NUP153: variants seen among roughly 807,000 people sequenced by gnomAD.
NUP153 encodes nuclear pore complex protein Nup153.
In NUP153, 27 loss-of-function variants were observed where a neutral mutation model predicts 134.6. The ratio of observed to expected loss-of-function variants is 0.20; its 90% CI spans 0.15 to 0.28. NUP153 has a LOEUF of 0.28. Ranked by LOEUF, NUP153 falls within the 10% of genes least tolerant of loss-of-function variation. The pLI, the probability that NUP153 is intolerant of heterozygous loss-of-function variation, is 1.00. For synonymous variants in NUP153, 640 were observed against 623.5 expected (o/e 1.03, Z -0.40); for missense variants, 1,821 against 1,731.3 (o/e 1.05, Z -0.92).
intron 14 of NUP153, among the ~76,000 whole-genome samples, chr6:17,641,414 A>G (rs1225919956): frequency 1.3e-5 from 2 of 152,148 alleles, no homozygotes; most frequent in Non-Finnish European, 2.9e-5. Flanking sequence ...ACACACCTGT[A>G]GTCTCAGCTA....
intron 1 of NUP153, among the ~76,000 whole-genome samples, chr6:17,704,707 A>C (rs1175245609): frequency 6.6e-6 from 1 of 151,516 alleles, no homozygotes; most frequent in Non-Finnish European, 1.5e-5. Context: ...TCAAAATAAA[A>C]AACATTTAAG....
At chr6:17,665,183 A>G (rs1767449510) in intron 9 of NUP153, 56 bp downstream of exon 9, 18 of 1,304,948 alleles carry the variant, frequency 1.4e-5, no homozygotes, top group Non-Finnish European at 1.8e-5. Flanking sequence ...TACATTATTT[A>G]GTCTTACTTA....
intron 1 of NUP153, among the ~76,000 whole-genome samples, chr6:17,697,791 T>A (rs1052310485): frequency 1.3e-5 from 2 of 151,980 alleles, no homozygotes; most frequent in African/African-American, 4.8e-5. Flanking sequence ...TAACACTAAC[T>A]CAGAAACAGC....
chr6:17,617,041 A>G (rs1764371856), intron 20 of NUP153, among the ~76,000 whole-genome samples: 1 of 152,074 alleles, frequency 6.6e-6, no homozygotes, highest in African/African-American at 2.4e-5. Flanking sequence ...AAGCCACTGC[A>G]CCCGGCCGCA....
chr6:17,664,779 G>A (rs569981881), intron 9 of NUP153, among the ~76,000 whole-genome samples: 14 of 152,200 alleles, frequency 9.2e-5, no homozygotes, highest in South Asian at 2.1e-4. Flanking sequence ...GTGGCCAGGC[G>A]CGGTGGCTCA....
In NUP153 at chr6:17,624,618, C is replaced by T. The variant is rs200243787; in HGVS notation, c.4117G>A (p.Val1373Met). The T allele has an allele frequency of 3.1e-6, 5 of 1,614,154 alleles. No individual in the cohort carries two copies. The highest frequency in any genetic ancestry group is 4.2e-6 in the Non-Finnish European group (5 of 1,180,034). Residue 1373 changes from valine (V) to methionine (M), a missense_variant, in exon 20 of 22, where the codon GTG becomes ATG. Val to Met is a conservative substitution (Grantham distance 21, BLOSUM62 1). Coordinates refer to ENST00000262077, the MANE Select transcript of NUP153 (RefSeq NM_005124.4). ...GACTGACTAGGTTGCTGTCCAAACA[C>T]AGGGGGCTGGCTACTGCTTGACACT... is the stretch of plus-strand genomic sequence containing the variant. ...GTVSSSSQPP[V>M]FGQQPSQSAF...
At chr6:17,649,083 T>G in intron 12 of NUP153, 80 bp downstream of exon 12, 1 of 1,250,228 alleles carries the variant, frequency 8.0e-7, no homozygotes, top group Non-Finnish European at 1.1e-6. Context: ...AATTAAACAC[T>G]GTTTATAATA....
In NUP153 at chr6:17,665,298, A is replaced by G. The variant is rs773339963; in HGVS notation, c.1156T>C (p.Ser386Pro). ...CTGAATTCACCAGAAGGAGTCAGAG[A>G]TGGTTTAAAATAAACACTTCGATTT... ...ATNRSVYFKP[S>P]LTPSGEFRKT... is the part of the protein sequence containing the mutation. The change falls in exon 9 of 22, where the codon TCT becomes CCT. Residue 386 changes from serine to proline, a missense_variant. Transcript: ENST00000262077. 1.7e-5 allele frequency: 27 copies of G among 1,612,668 alleles called. No homozygotes were observed. Among genetic ancestry groups the G allele is most frequent in the Non-Finnish European group, 2.3e-5 (27 of 1,178,754 alleles).
chr6:17,679,139 T>C (rs1768416253), intron 2 of NUP153, among the ~76,000 whole-genome samples: 1 of 152,118 alleles, frequency 6.6e-6, no homozygotes, highest in African/African-American at 2.4e-5. Context: ...GATATAATCT[T>C]ACATGTAAAT....
intron 14 of NUP153, 59 bp downstream of exon 14, chr6:17,646,008 A>G: frequency 6.1e-6 from 4 of 651,618 alleles, no homozygotes; most frequent in Non-Finnish European, 1.1e-5. Context: ...AAGAAGCTGA[A>G]ATACTAATCT....
chr6:17,649,114 G>T (rs1581702108), intron 12 of NUP153, 49 bp downstream of exon 12: 2 of 1,493,178 alleles, frequency 1.3e-6, no homozygotes, highest in East Asian at 2.3e-5. Context: ...TTTAAATAAA[G>T]AATTAAGAAA....
chr6:17,630,593 G>T (rs959446537), intron 17 of NUP153, among the ~76,000 whole-genome samples: 1 of 152,052 alleles, frequency 6.6e-6, no homozygotes, highest in Non-Finnish European at 1.5e-5. Context: ...AGCCCGGGAG[G>T]TAGAAGTTGC....
chr6:17,663,549 C>T (rs1405078430), intron 9 of NUP153, among the ~76,000 whole-genome samples: 1 of 152,016 alleles, frequency 6.6e-6, no homozygotes, highest in African/African-American at 2.4e-5. Flanking sequence ...TAGGCATGAG[C>T]CACCATGATC....
Position 17,680,720 on chromosome 6 carries a change from T to C in NUP153, c.335-4950A>G, listed in dbSNP as rs1384367078. On this transcript the variant is annotated intron_variant, in intron 2 of 21. Transcript: ENST00000262077. The surrounding 1 kb of genome is among the most constrained non-coding windows in gnomAD (Gnocchi z 4.5). ...TGATAAGGGATTAATATCCAGAACA[T>C]AAAAAGTACTCCAACCCCCAGTGAA... Among the ~76,000 whole-genome samples, 3 of 152,246 alleles carry C rather than the reference T, an allele frequency of 2.0e-5. No homozygotes were observed. Among genetic ancestry groups the C allele is most frequent in the East Asian group, 3.9e-4 (2 of 5,186 alleles).
chr6:17,640,165 T>A (rs1443126034), intron 14 of NUP153, 101 bp from the exon 15 acceptor site: 8 of 912,328 alleles, frequency 8.8e-6, no homozygotes, highest in Non-Finnish European at 1.2e-5. Context: ...GATTAATTTC[T>A]AAAAGTTCAT....
chr6:17,675,672 C>T lies in NUP153; in HGVS notation c.433G>A (p.Ala145Thr), dbSNP rs746201603. The T allele has an allele frequency of 4.3e-6, 7 of 1,613,988 alleles. No homozygotes were observed. In the East Asian group the frequency reaches 1.3e-4, roughly 31 times the overall value. The change falls in exon 3 of 22, where the codon GCA becomes ACA. Residue 145 changes from alanine to threonine, a missense_variant. Physicochemically the swap from Ala to Thr is moderately conservative, Grantham distance 58 (BLOSUM62 0). Coordinates refer to ENST00000262077, the MANE Select transcript of NUP153 (RefSeq NM_005124.4). The surrounding 1 kb of genome is among the most constrained non-coding windows in gnomAD (Gnocchi z 4.4). ...GATGTAGATGGCTGACAGTGTAATGCAGGGGATTCCAACATGGAAAAATTC... is the reference window on the plus strand; with the variant it reads ...GATGTAGATGGCTGACAGTGTAATGTAGGGGATTCCAACATGGAAAAATTC... ...HLNFSMLESP[A>T]LHCQPSTSSA...
At position 17,688,979 on chromosome 6, in the gene NUP153, T is replaced by C. The variant is rs182566008; in HGVS notation, c.112-361A>G. On this transcript the variant is annotated intron_variant, in intron 1 of 21. Coordinates refer to ENST00000262077, the MANE Select transcript of NUP153 (RefSeq NM_005124.4). ...CATTTTTTCCCAGTATGTTAAAACATAAACAATACTTTCAATAGCTTTCTC... is the reference window on the plus strand; with the variant it reads ...CATTTTTTCCCAGTATGTTAAAACACAAACAATACTTTCAATAGCTTTCTC... Among the ~76,000 whole-genome samples, 7 of 152,152 alleles carry C rather than the reference T, an allele frequency of 4.6e-5. No homozygotes were observed. The East Asian group carries it at 9.7e-4, about 21-fold the overall frequency.
In NUP153 at chr6:17,624,847, G is replaced by A; in HGVS notation, c.3902-14C>T. The A allele has an allele frequency of 6.4e-7, 1 of 1,570,690 alleles. No homozygotes were observed. Among genetic ancestry groups the A allele is most frequent in the Non-Finnish European group, 8.6e-7 (1 of 1,156,508 alleles). On this transcript the variant is annotated splice_polypyrimidine_tract_variant and intron_variant, in intron 19 of 21. Coordinates refer to ENST00000262077, the MANE Select transcript of NUP153 (RefSeq NM_005124.4). ...CAAAGGAGGATCCTGGAGGCCCAAA[G>A]AAACACTTAAGTCACCATGGTGGCT...
At chr6:17,667,573 G>A (rs1382795164) in intron 8 of NUP153, among the ~76,000 whole-genome samples, 1 of 152,130 alleles carries the variant, frequency 6.6e-6, no homozygotes, top group African/African-American at 2.4e-5. Context: ...AATCGGCCAG[G>A]CATGGTGATA....
Sources: gnomAD v4.1 joint callset for allele counts (sites outside exome capture counted in the v4.1 genomes callset) on GRCh38, gnomAD v4.1.1 for gene constraint, Gnocchi (gnomAD v3.1) non-coding constraint, MANE v1.5 for transcripts, NCBI Gene and HGNC (gene_info 2026-07-23, HGNC 2026-07-21) for gene names.